Variants in UBR3 observed in about 807,000 individuals in gnomAD.
UBR3 encodes the protein E3 ubiquitin-protein ligase UBR3.
In UBR3, 85 loss-of-function variants were observed where a neutral mutation model predicts 243.2. That is an observed-to-expected ratio of 0.35 (90% CI 0.29 to 0.42). The LOEUF is 0.42. UBR3 is among the 10% of genes least tolerant of loss of function. The probability of loss-of-function intolerance (pLI) is 1.00; values close to 1 mark genes in which losing one functional copy is unlikely to be tolerated. For missense variants in UBR3, 1,686 were observed against 2,300.8 expected, an observed-to-expected ratio of 0.73 and a Z score of 5.47; for synonymous variants, 748 against 799.8, an observed-to-expected ratio of 0.94 and a Z score of 1.09.
chr2:170,005,223 C>CAAACA (rs965572760), intron 27 of UBR3, among the ~76,000 whole-genome samples: 4 of 152,054 alleles, frequency 2.6e-5, no homozygotes, highest in Admixed American at 1.3e-4. Context: ...GGCTCCGTCT[C>CAAACA]AAACAAAACA....
intron 1 of UBR3, among the ~76,000 whole-genome samples, chr2:169,831,127 A>ATATATATATATATATT (rs1450878762): frequency 1.8e-5 from 1 of 56,478 alleles, no homozygotes; most frequent in Non-Finnish European, 2.8e-5. Flanking sequence ...ATATATATAT[A>ATATATATATATATATT]TTTTTTTTTT....
Position 170,080,794 on chromosome 2 carries a change from G to T in UBR3, c.5549+110G>T, listed in dbSNP as rs918761908. Reference sequence around the variant, plus strand: ...AATTTTTTTAATATTAAGAAATTCTGACAGTCATTAATTTAGAGCTATTTC... The same window carrying T: ...AATTTTTTTAATATTAAGAAATTCTTACAGTCATTAATTTAGAGCTATTTC... On this transcript the variant is annotated intron_variant, in intron 38 of 38. Coordinates refer to ENST00000272793, the MANE Select transcript of UBR3 (RefSeq NM_172070.4). 9.1e-6 allele frequency: 11 copies of T among 1,214,506 alleles called. No individual in the cohort carries two copies. The African/African-American group carries it at 1.1e-4, about 12-fold the overall frequency. The allele number at this position is 1,214,506 out of a possible 1,614,324, so 75.2% of individuals were successfully genotyped here.
intron 19 of UBR3, among the ~76,000 whole-genome samples, chr2:169,938,234 A>G (rs1452870455): frequency 6.6e-6 from 1 of 150,604 alleles, no homozygotes; most frequent in Non-Finnish European, 1.5e-5. Flanking sequence ...TCTGAATACT[A>G]GACTTATCAG....
intron 36 of UBR3, chr2:170,077,371 A>G (rs1182263872): frequency 5.7e-6 from 6 of 1,059,742 alleles, no homozygotes; most frequent in Non-Finnish European, 7.3e-6. Flanking sequence ...AATAACATCC[A>G]AAGTTATATA....
At chr2:169,942,974 C>T (rs2086647900) in intron 20 of UBR3, among the ~76,000 whole-genome samples, 1 of 152,128 alleles carries the variant, frequency 6.6e-6, no homozygotes, top group Non-Finnish European at 1.5e-5. Context: ...ACTAAAATGA[C>T]AAAACTAGAA....
intron 30 of UBR3, among the ~76,000 whole-genome samples, chr2:170,018,665 C>G (rs1008467711): frequency 6.6e-6 from 1 of 152,168 alleles, no homozygotes; most frequent in Admixed American, 6.5e-5. Flanking sequence ...ATCAGTGAAG[C>G]TTTTGGTGGA....
intron 11 of UBR3, among the ~76,000 whole-genome samples, chr2:169,920,718 T>C (rs73015738): frequency 0.043 from 6,624 of 152,276 alleles, 165 homozygotes; most frequent in Middle Eastern, 0.068. Context: ...TGTCTCTGAA[T>C]CCTAGTTCAA....
At chr2:169,948,971 A>AAAAACAAATC (rs1181313923) in intron 22 of UBR3, among the ~76,000 whole-genome samples, 1 of 152,002 alleles carries the variant, frequency 6.6e-6, no homozygotes, top group Non-Finnish European at 1.5e-5. Context: ...AAAACAAATC[A>AAAAACAAATC]AAAACAAATC....
chr2:169,993,727 T>C (rs1330747285), intron 25 of UBR3, among the ~76,000 whole-genome samples: 1 of 152,236 alleles, frequency 6.6e-6, no homozygotes, highest in African/African-American at 2.4e-5. Flanking sequence ...ACGTTAAGAC[T>C]CTACTCACCC....
chr2:169,928,574 C>G (rs1169131932), intron 17 of UBR3, among the ~76,000 whole-genome samples, 153 bp from the exon 18 acceptor site: 5 of 152,078 alleles, frequency 3.3e-5, no homozygotes, highest in African/African-American at 1.2e-4. Flanking sequence ...TATTATTGAT[C>G]TGTTGTATTA....
intron 32 of UBR3, among the ~76,000 whole-genome samples, chr2:170,049,982 T>G (rs528346775): frequency 6.6e-6 from 1 of 152,214 alleles, no homozygotes; most frequent in Non-Finnish European, 1.5e-5. Flanking sequence ...TTAACACTTA[T>G]ATTGTGATCA....
chr2:169,896,320 T>C (rs1006727226), intron 7 of UBR3, among the ~76,000 whole-genome samples, 187 bp from the exon 8 acceptor site: 1 of 151,862 alleles, frequency 6.6e-6, no homozygotes, highest in Non-Finnish European at 1.5e-5. Context: ...TCTTTAACCA[T>C]CAAAATATTT....
intron 23 of UBR3, among the ~76,000 whole-genome samples, chr2:169,955,376 T>G (rs959848512): frequency 1.3e-5 from 2 of 152,172 alleles, no homozygotes; most frequent in African/African-American, 4.8e-5. Flanking sequence ...ATGCTTGTTA[T>G]TAATTTTGGT....
At chr2:169,929,632 A>G (rs554832702) in intron 18 of UBR3, among the ~76,000 whole-genome samples, 2 of 152,186 alleles carry the variant, frequency 1.3e-5, no homozygotes, top group African/African-American at 4.8e-5. Flanking sequence ...TTTTGAACCT[A>G]TGTTAAATGC....
chr2:169,918,760 G>T (rs1460357212), intron 11 of UBR3, among the ~76,000 whole-genome samples: 1 of 152,178 alleles, frequency 6.6e-6, no homozygotes, highest in Non-Finnish European at 1.5e-5. Flanking sequence ...TTGTGAGTTT[G>T]TAGCAGGGTG....
chr2:170,077,447 G>C (rs1336230742), intron 36 of UBR3: 1 of 1,481,574 alleles, frequency 6.7e-7, no homozygotes, highest in African/African-American at 1.4e-5. Flanking sequence ...TTCAGTTCAG[G>C]ATGTGTTACA....
intron 30 of UBR3, among the ~76,000 whole-genome samples, chr2:170,018,055 A>C (rs965983639): frequency 3.9e-5 from 6 of 152,234 alleles, no homozygotes; most frequent in Middle Eastern, 3.4e-3. Context: ...GTTATATAAG[A>C]CATATCTCCT....
chr2:169,941,845 C>G (rs1009552679), intron 19 of UBR3, among the ~76,000 whole-genome samples: 2 of 152,118 alleles, frequency 1.3e-5, no homozygotes, highest in African/African-American at 2.4e-5. Context: ...TTCTTACATC[C>G]CAGAAGAGAC....
chr2:170,062,109 T>A (rs1289953252), intron 35 of UBR3, among the ~76,000 whole-genome samples: 2 of 152,234 alleles, frequency 1.3e-5, no homozygotes. Flanking sequence ...TGGTTGAAGA[T>A]ATGACAGCAT....
Sources: gnomAD v4.1 joint callset for allele counts (sites outside exome capture counted in the v4.1 genomes callset) on GRCh38, gnomAD v4.1.1 for gene constraint, MANE v1.5 for transcripts, NCBI Gene and HGNC (gene_info 2026-07-23, HGNC 2026-07-21) for gene names.